The following PACS2 variants were observed in gnomAD, a reference collection of about 807,000 sequenced individuals.
PACS2 encodes PACS1-like protein.
Under a neutral mutation model 113.0 loss-of-function variants are expected in PACS2, and 36 were observed. The observed-to-expected ratio is 0.32, with a 90% CI of 0.24 to 0.42. The LOEUF is 0.42. Ranked by LOEUF, PACS2 falls within the 10% of genes least tolerant of loss-of-function variation. The pLI is 1.00. For synonymous variants in PACS2, 589 were observed against 536.1 expected (o/e 1.10, Z -1.36); for missense variants, 1,015 against 1,239.5 (o/e 0.82, Z 2.72).
Position 105,396,778 on chromosome 14 carries a change from C to T in PACS2, c.*2106C>T, listed in dbSNP as rs1310310336. On this transcript the variant is annotated 3_prime_UTR_variant, in exon 25 of 25. Transcript: ENST00000447393. The stretch of plus-strand genomic sequence containing the variant: ...TCGGCCTCCCAAAGTGCTGGGATTA[C>T]AGGCGTGAGTCACCGCGTCCTGCCT... The T allele has an allele frequency of 6.6e-6, 1 of 152,426 alleles. No individual in the cohort carries two copies. Among genetic ancestry groups the T allele is most frequent in the Non-Finnish European group, 1.5e-5 (1 of 68,212 alleles). 9.4% of individuals were successfully genotyped at this position (152,426 alleles called of 1,614,324 possible). A position where few individuals can be genotyped will look rare whatever the true frequency, so the allele number is the denominator to read the frequency against.
Position 105,357,775 on chromosome 14 carries a change from A to G in PACS2, c.423+2598A>G, listed in dbSNP as rs2141068885. 6.6e-6 allele frequency among the ~76,000 whole-genome samples: 1 copy of G among 152,254 alleles called. No individual in the cohort carries two copies. The highest frequency in any genetic ancestry group is 3.4e-3 in the Middle Eastern group (1 of 294). ...GGGGGCTTGCTGGCTCCGAGACTGC[A>G]CGCCTGAGACGGGGGTGAGGGCATG... On this transcript the variant is annotated intron_variant, in intron 4 of 24. Transcript: ENST00000447393. The surrounding 1 kb of genome is among the most constrained non-coding windows in gnomAD (Gnocchi z 5.1).
chr14:105,345,851 C>T (rs922681088), intron 1 of PACS2, among the ~76,000 whole-genome samples: 3 of 152,192 alleles, frequency 2.0e-5, no homozygotes, highest in African/African-American at 7.2e-5. Flanking sequence ...TGTGGGAATC[C>T]GGGCAGCCCC....
chr14:105,364,396 T>C (rs587659506), intron 4 of PACS2, among the ~76,000 whole-genome samples: 1,106 of 78,076 alleles, frequency 0.014, 53 homozygotes, highest in African/African-American at 0.07. Context: ...CGGTGGGCGG[T>C]GTCCCGGGTG....
In PACS2 at chr14:105,358,757, A is replaced by G. The variant is rs1305917832; in HGVS notation, c.423+3580A>G. Among the ~76,000 whole-genome samples the G allele has an allele frequency of 2.0e-5, 3 of 152,170 alleles. No homozygotes were observed. The highest frequency in any genetic ancestry group is 7.2e-5 in the African/African-American group (3 of 41,436). On this transcript the variant is annotated intron_variant, in intron 4 of 24. Coordinates refer to ENST00000447393, the MANE Select transcript of PACS2 (RefSeq NM_001100913.3). This position sits in a 1 kb window ranked among gnomAD's most constrained non-coding sequence, Gnocchi z 4.9. ...ATGCCACTGGGGCCAGGTCCAGCCC[A>G]AGGGGACCTGTGAGGGGCGGGCGGC... is the stretch of plus-strand genomic sequence containing the variant.
intron 1 of PACS2, among the ~76,000 whole-genome samples, chr14:105,346,189 A>C (rs2059910871): frequency 6.6e-6 from 1 of 152,204 alleles, no homozygotes; most frequent in Non-Finnish European, 1.5e-5. Flanking sequence ...AGCTGGACTT[A>C]AATACATCGA....
At chr14:105,367,924 A>C (rs1595717294) in intron 5 of PACS2, 150 bp from the exon 6 acceptor site, 2 of 648,874 alleles carry the variant, frequency 3.1e-6, no homozygotes, top group South Asian at 1.6e-5. Context: ...GCTCGGGGCC[A>C]CGGCACCTGT....
chr14:105,301,745 G>T (rs2058037274), intron 1 of PACS2, among the ~76,000 whole-genome samples: 1 of 152,238 alleles, frequency 6.6e-6, no homozygotes, highest in African/African-American at 2.4e-5. Context: ...TGTGCCCCCT[G>T]CCCAGAGCGG....
upstream of PACS2, chr14:105,314,614 C>T (rs1199331288): frequency 7.0e-6 from 1 of 143,774 alleles, no homozygotes; most frequent in Admixed American, 6.9e-5. Context: ...CGATTGGACC[C>T]GAGGCGGCGA....
At chr14:105,362,287 G>T (rs4983608) in intron 4 of PACS2, among the ~76,000 whole-genome samples, 1 of 144,190 alleles carries the variant, frequency 6.9e-6, no homozygotes, top group Non-Finnish European at 1.5e-5. Context: ...GCGTGGTGGC[G>T]GGCGCCTGTA....
At chr14:105,339,373 G>A (rs587608659) in intron 1 of PACS2, among the ~76,000 whole-genome samples, 93 of 152,152 alleles carry the variant, frequency 6.1e-4, no homozygotes, top group African/African-American at 2.2e-3. Flanking sequence ...CGGGTGTGGT[G>A]GTATGCACCT....
intron 20 of PACS2, chr14:105,390,547 T>C (rs1199215298): frequency 5.7e-6 from 1 of 175,398 alleles, no homozygotes; most frequent in East Asian, 1.4e-4. Context: ...GCCAGGTGTC[T>C]GCTGTGAGAC....
upstream of PACS2, among the ~76,000 whole-genome samples, chr14:105,313,831 C>A (rs114638134): frequency 0.014 from 2,180 of 152,346 alleles, 58 homozygotes; most frequent in African/African-American, 0.05. Context: ...ACCACAGCCG[C>A]TGCCAAACAG....
chr14:105,369,089 G>A (rs1364951759), intron 7 of PACS2, among the ~76,000 whole-genome samples: 1 of 152,260 alleles, frequency 6.6e-6, no homozygotes, highest in Admixed American at 6.5e-5. Context: ...AGCGCAGGTG[G>A]GCGGGGAGCT....
chr14:105,395,089 G>A lies in PACS2; in HGVS notation c.*417G>A, dbSNP rs587744977. The A allele has an allele frequency of 3.5e-4, 66 of 190,784 alleles. No individual in the cohort carries two copies. Among genetic ancestry groups the A allele is most frequent in the African/African-American group, 1.5e-3 (63 of 42,932 alleles). The allele number at this position is 190,784 out of a possible 1,614,324, so 11.8% of individuals were successfully genotyped here. On this transcript the variant is annotated 3_prime_UTR_variant, in exon 25 of 25. Coordinates refer to ENST00000447393, the MANE Select transcript of PACS2 (RefSeq NM_001100913.3). Reference sequence around the variant, plus strand: ...GAGGGCCATGGGGCCGCTCAGTCCCGTTGGGGTTGTCCTGAGTTGAGCCTG... The same window carrying A: ...GAGGGCCATGGGGCCGCTCAGTCCCATTGGGGTTGTCCTGAGTTGAGCCTG...
intron 15 of PACS2, 185 bp from the exon 16 acceptor site, chr14:105,383,174 T>C: frequency 2.8e-6 from 2 of 712,244 alleles, no homozygotes; most frequent in Non-Finnish European, 2.5e-6. Context: ...GCCATGACTG[T>C]GTGGTCCCTC....
intron 10 of PACS2, 121 bp downstream of exon 10, chr14:105,379,950 G>A: frequency 7.7e-7 from 1 of 1,306,670 alleles, no homozygotes; most frequent in Non-Finnish European, 1.1e-6. Context: ...GAGCCACTCT[G>A]CACCCACTGT....
chr14:105,316,695 T>C (rs1455747343), intron 1 of PACS2, among the ~76,000 whole-genome samples: 1 of 142,210 alleles, frequency 7.0e-6, no homozygotes, highest in Non-Finnish European at 1.5e-5. Flanking sequence ...CTGGTGTCTG[T>C]GGGGAGGGTA....
chr14:105,330,167 G>A lies in PACS2; in HGVS notation c.119+15130G>A, dbSNP rs1286550600. Among the ~76,000 whole-genome samples the A allele has an allele frequency of 1.4e-5, 2 of 141,534 alleles. No homozygotes were observed. The highest frequency in any genetic ancestry group is 2.7e-5 in the African/African-American group (1 of 37,258). 92.9% of individuals were successfully genotyped at this position (141,534 alleles called of 152,430 possible). ...GGAGCCTCCGAGAAGCCTGGGGTCC[G>A]TGTGTGGGACGGAACGGGGACAGGG... On this transcript the variant is annotated intron_variant, in intron 1 of 24. Transcript: ENST00000447393. This position sits in a 1 kb window ranked among gnomAD's most constrained non-coding sequence, Gnocchi z 6.9.
At chr14:105,350,695 G>A (rs922864659) in intron 2 of PACS2, among the ~76,000 whole-genome samples, 2 of 152,188 alleles carry the variant, frequency 1.3e-5, no homozygotes, top group South Asian at 2.1e-4. Flanking sequence ...GTGCACCTTC[G>A]CCTCACTGGC....
Sources: gnomAD v4.1 joint callset for allele counts (sites outside exome capture counted in the v4.1 genomes callset) on GRCh38, gnomAD v4.1.1 for gene constraint, Gnocchi (gnomAD v3.1) non-coding constraint, MANE v1.5 for transcripts, NCBI Gene and HGNC (gene_info 2026-07-23, HGNC 2026-07-21) for gene names.